The following SHROOM3 variants were observed in gnomAD, a reference collection of about 807,000 sequenced individuals.
The protein encoded by SHROOM3 is shroom family member 3.
A neutral mutation model predicts 138.6 loss-of-function variants in SHROOM3; 47 were observed. That is an observed-to-expected ratio of 0.34 (90% confidence interval 0.27 to 0.43). The LOEUF (loss-of-function observed/expected upper bound fraction) is 0.43, where lower values mean the gene tolerates loss of function less well. SHROOM3 is among the 20% of genes least tolerant of loss of function. The probability of loss-of-function intolerance (pLI) is 1.00; values close to 1 mark genes in which losing one functional copy is unlikely to be tolerated. For missense variants in SHROOM3, 2,491 were observed against 2,596.5 expected, an observed-to-expected ratio of 0.96 and a Z score of 0.88; for synonymous variants, 1,062 against 1,063.3, an observed-to-expected ratio of 1.00 and a Z score of 0.02.
intron 1 of SHROOM3, among the ~76,000 whole-genome samples, chr4:76,487,133 T>C (rs572412040): frequency 2.3e-4 from 35 of 152,300 alleles, no homozygotes; most frequent in Non-Finnish European, 1.5e-4. Context: ...ACTTATCTAC[T>C]TTCTGTCCCT....
At chr4:76,480,015 G>A (rs1240896971) in intron 1 of SHROOM3, among the ~76,000 whole-genome samples, 1 of 152,184 alleles carries the variant, frequency 6.6e-6, no homozygotes, top group African/African-American at 2.4e-5. Flanking sequence ...ACCAGCCACT[G>A]CAAAAACATA....
chr4:76,460,745 C>T (rs1387962622), intron 1 of SHROOM3, among the ~76,000 whole-genome samples: 2 of 148,664 alleles, frequency 1.3e-5, no homozygotes, highest in Non-Finnish European at 1.5e-5. Context: ...AATCCCAGCA[C>T]CTTGGGAGGC....
chr4:76,772,169 T>C (rs1722384395), intron 10 of SHROOM3, among the ~76,000 whole-genome samples: 1 of 149,262 alleles, frequency 6.7e-6, no homozygotes, highest in Non-Finnish European at 1.5e-5. Context: ...AGTGGCGCAA[T>C]CTAAGCTCAC....
At chr4:76,640,226 C>T (rs749495839) in intron 2 of SHROOM3, among the ~76,000 whole-genome samples, 3 of 152,110 alleles carry the variant, frequency 2.0e-5, no homozygotes, top group African/African-American at 7.2e-5. Flanking sequence ...CTACGTGTGT[C>T]GTTAGCTGTA....
Position 76,738,621 on chromosome 4 carries a change from C to A in SHROOM3, c.588-140C>A, listed in dbSNP as rs558258907. 3.5e-5 allele frequency: 32 copies of A among 926,338 alleles called. No homozygotes were observed. In the African/African-American group the frequency reaches 4.7e-4, roughly 14 times the overall value. The allele number at this position is 926,338 out of a possible 1,614,324, so 57.4% of individuals were successfully genotyped here. On this transcript the variant is annotated intron_variant, in intron 4 of 10. Transcript: ENST00000296043. Reference sequence around the variant, plus strand: ...TGACACAGAAGGAGGCTGAGCAAGGCCCAAATATGGCCCTTTTTACCCACC... The same window carrying A: ...TGACACAGAAGGAGGCTGAGCAAGGACCAAATATGGCCCTTTTTACCCACC...
chr4:76,599,674 C>T (rs1477457629), intron 2 of SHROOM3, among the ~76,000 whole-genome samples: 1 of 152,172 alleles, frequency 6.6e-6, no homozygotes, highest in Non-Finnish European at 1.5e-5. Context: ...AGTTCATCAC[C>T]ATCTGTCACT....
intron 1 of SHROOM3, among the ~76,000 whole-genome samples, chr4:76,516,729 G>A (rs763956056): frequency 7.2e-5 from 11 of 152,084 alleles, no homozygotes; most frequent in Non-Finnish European, 1.5e-4. Context: ...ACTTAAGTTG[G>A]GTCTCCAGAT....
chr4:76,655,958 C>T lies in SHROOM3; in HGVS notation c.324-54198C>T, dbSNP rs13141314. 2.0e-3 allele frequency among the ~76,000 whole-genome samples: 307 copies of T among 152,162 alleles called. 1 individual carries two copies. The highest frequency in any genetic ancestry group is 3.9e-3 in the Admixed American group (59 of 15,272). On this transcript the variant is annotated intron_variant, in intron 2 of 10. Coordinates refer to ENST00000296043, the MANE Select transcript of SHROOM3 (RefSeq NM_020859.4). ...GTGCATGTGAGGTTTTATACTAGAC[C>T]GGAAAATAGAGAGACAGTCACAGTT... is the stretch of plus-strand genomic sequence containing the variant.
At chr4:76,508,210 T>C (rs967542025) in intron 1 of SHROOM3, among the ~76,000 whole-genome samples, 1 of 152,200 alleles carries the variant, frequency 6.6e-6, no homozygotes, top group Non-Finnish European at 1.5e-5. Context: ...TCAGGTTTTT[T>C]TTGATATTTT....
chr4:76,755,084 C>T lies in SHROOM3; in HGVS notation c.4601C>T (p.Pro1534Leu), dbSNP rs759708668. ...EPLPPPPPPP[P>L]SQETPVYSMD... ...CTTCCCCCACCCCCACCTCCTCCAC[C>T]GAGTCAGGAAACCCCGGTGTATAGC... The change falls in exon 7 of 11, where the codon CCG becomes CTG. Residue 1534 changes from proline to leucine, a missense_variant. Around this residue, in one of 4 missense-constraint regions of SHROOM3, gnomAD observed 470 missense variants for 595.0 expected, o/e 0.79. Transcript: ENST00000296043. 3.4e-5 allele frequency: 54 copies of T among 1,598,182 alleles called. 2 individuals carry two copies. The East Asian group carries it at 5.2e-4, about 15-fold the overall frequency.
chr4:76,515,018 C>A (rs1732415650), intron 1 of SHROOM3, among the ~76,000 whole-genome samples: 1 of 152,060 alleles, frequency 6.6e-6, no homozygotes, highest in African/African-American at 2.4e-5. Context: ...AGTTCGAGAC[C>A]AGTCTGGCCA....
intron 2 of SHROOM3, among the ~76,000 whole-genome samples, chr4:76,704,710 A>G (rs183066823): frequency 4.6e-5 from 7 of 152,348 alleles, no homozygotes; most frequent in Non-Finnish European, 7.3e-5. Context: ...TGCATAGGGA[A>G]GCTACAGGAT....
intron 1 of SHROOM3, among the ~76,000 whole-genome samples, chr4:76,538,489 G>C (rs1733028660): frequency 6.6e-6 from 1 of 152,126 alleles, no homozygotes; most frequent in Non-Finnish European, 1.5e-5. Context: ...TTGGTGAGAG[G>C]TCTGACAGTG....
At chr4:76,544,943 T>G (rs771871832) in intron 1 of SHROOM3, among the ~76,000 whole-genome samples, 1 of 152,170 alleles carries the variant, frequency 6.6e-6, no homozygotes, top group Non-Finnish European at 1.5e-5. Flanking sequence ...TGAAACCCTG[T>G]AACTGTGGAG....
intron 2 of SHROOM3, among the ~76,000 whole-genome samples, chr4:76,674,320 T>A (rs1328934556): frequency 2.6e-5 from 4 of 152,148 alleles, no homozygotes; most frequent in Admixed American, 2.0e-4. Context: ...GATCCTATAT[T>A]TCTATAGGTT....
At chr4:76,467,746 CAACTT>C in intron 1 of SHROOM3, among the ~76,000 whole-genome samples, 1 of 152,180 alleles carries the variant, frequency 6.6e-6, no homozygotes, top group Non-Finnish European at 1.5e-5. Context: ...TAAGTAGTCC[CAACTT>C]TCACAAACCC....
Position 76,740,623 on chromosome 4 carries a change from C to A in SHROOM3, c.2450C>A (p.Thr817Asn). The change falls in exon 5 of 11, where the codon ACT becomes AAT. Residue 817 changes from threonine to asparagine, a missense_variant. Thr to Asn is a moderately conservative substitution (Grantham distance 65, BLOSUM62 0). This residue lies in a region of SHROOM3 where 1,733 missense variants were observed against 1,661.6 expected (regional missense o/e 1.04). Coordinates refer to ENST00000296043, the MANE Select transcript of SHROOM3 (RefSeq NM_020859.4). The surrounding 1 kb of genome is among the most constrained non-coding windows in gnomAD (Gnocchi z 4.0). ...HNYRPHRTVS[T>N]SSTSGNDFEE... ...TATAGGCCCCACAGGACCGTCTCAACTTCCAGTACTTCTGGGAATGACTTC... is the reference window on the plus strand; with the variant it reads ...TATAGGCCCCACAGGACCGTCTCAAATTCCAGTACTTCTGGGAATGACTTC... The A allele has an allele frequency of 6.2e-7, 1 of 1,614,218 alleles. No homozygotes were observed. The highest frequency in any genetic ancestry group is 2.2e-5 in the East Asian group (1 of 44,874).
At chr4:76,771,881 CGT>C (rs954027560) in intron 10 of SHROOM3, among the ~76,000 whole-genome samples, 1 of 152,110 alleles carries the variant, frequency 6.6e-6, no homozygotes, top group African/African-American at 2.4e-5. Flanking sequence ...GGGGGTCTAG[CGT>C]GTGTCACTTA....
intron 3 of SHROOM3, among the ~76,000 whole-genome samples, chr4:76,715,417 A>G (rs1171359281): frequency 2.0e-5 from 3 of 152,158 alleles, no homozygotes. Flanking sequence ...TCTCTTATCT[A>G]TCAACAGGAA....
Sources: allele counts gnomAD v4.1 joint callset (sites outside exome capture counted in the v4.1 genomes callset), GRCh38; gene constraint gnomAD v4.1.1; regional missense constraint gnomAD v4.1.1; non-coding constraint Gnocchi (gnomAD v3.1); transcripts MANE v1.5; gene names NCBI Gene and HGNC (gene_info 2026-07-23, HGNC 2026-07-21).